The following AGBL4 variants were observed in gnomAD, a reference collection of about 807,000 sequenced individuals.
AGBL4 encodes the protein cytosolic carboxypeptidase 6.
AGBL4 carries 58 observed loss-of-function variants against 66.4 expected under a neutral mutation model. That is an observed-to-expected ratio of 0.87 (90% confidence interval 0.71 to 1.09). The LOEUF (loss-of-function observed/expected upper bound fraction) is 1.09. AGBL4 is among the 50% of genes least tolerant of loss of function. The probability of loss-of-function intolerance (pLI) is 0.00; values close to 1 mark genes in which losing one functional copy is unlikely to be tolerated. For synonymous variants in AGBL4, 234 were observed against 222.9 expected (o/e 1.05, Z -0.44); for missense variants, 579 against 631.0 (o/e 0.92, Z 0.88).
At chr1:49,709,291 A>C (rs1647451253) in intron 2 of AGBL4, among the ~76,000 whole-genome samples, 2 of 152,196 alleles carry the variant, frequency 1.3e-5, no homozygotes, top group African/African-American at 4.8e-5. Context: ...GTCTGGCTAC[A>C]GCAGCTTTGT....
At chr1:49,565,888 C>A (rs1260167548) in intron 3 of AGBL4, among the ~76,000 whole-genome samples, 6 of 152,162 alleles carry the variant, frequency 3.9e-5, no homozygotes, top group Non-Finnish European at 8.8e-5. Context: ...TAATATCCTG[C>A]AGAGTGTTTT....
At chr1:49,559,364 T>G (rs1643979374) in intron 3 of AGBL4, among the ~76,000 whole-genome samples, 2 of 152,166 alleles carry the variant, frequency 1.3e-5, no homozygotes, top group African/African-American at 4.8e-5. Context: ...ACAGCGTTAC[T>G]AGGCTTGGGA....
At chr1:49,262,271 C>T (rs563004702) in intron 3 of AGBL4, among the ~76,000 whole-genome samples, 25 of 151,278 alleles carry the variant, frequency 1.7e-4, no homozygotes, top group African/African-American at 5.6e-4. Context: ...ATGTCTAAAA[C>T]ACTTCATGGC....
chr1:49,666,696 T>A (rs560266180), intron 3 of AGBL4, among the ~76,000 whole-genome samples: 1 of 152,240 alleles, frequency 6.6e-6, no homozygotes, highest in African/African-American at 2.4e-5. Context: ...AGAGCTAAAA[T>A]TTATTGAGTG....
At chr1:48,669,921 C>T (rs1646249683) in intron 6 of AGBL4, among the ~76,000 whole-genome samples, 1 of 152,142 alleles carries the variant, frequency 6.6e-6, no homozygotes, top group African/African-American at 2.4e-5. Context: ...CATTCCCTCC[C>T]GTAGGCTCAG....
intron 3 of AGBL4, among the ~76,000 whole-genome samples, chr1:49,493,635 G>T (rs1647271979): frequency 6.6e-6 from 1 of 151,978 alleles, no homozygotes; most frequent in Non-Finnish European, 1.5e-5. Context: ...GAACCCAAGA[G>T]AAGGAGAGAA....
At chr1:49,626,556 T>C (rs965524683) in intron 3 of AGBL4, among the ~76,000 whole-genome samples, 1 of 152,050 alleles carries the variant, frequency 6.6e-6, no homozygotes, top group African/African-American at 2.4e-5. Flanking sequence ...GAGAAAATAT[T>C]CAGTGCCTTG....
chr1:49,802,234 T>C (rs529045911), intron 2 of AGBL4, among the ~76,000 whole-genome samples: 1 of 151,880 alleles, frequency 6.6e-6, no homozygotes, highest in Non-Finnish European at 1.5e-5. Flanking sequence ...ATGTGACCCA[T>C]GTGGAGAGCC....
intron 1 of AGBL4, among the ~76,000 whole-genome samples, chr1:50,013,975 A>G (rs1401010636): frequency 6.6e-6 from 1 of 152,216 alleles, no homozygotes; most frequent in African/African-American, 2.4e-5. Flanking sequence ...ACACTATTAC[A>G]CATTAATTGG....
At chr1:49,655,731 C>A (rs902948040) in intron 3 of AGBL4, among the ~76,000 whole-genome samples, 1 of 152,122 alleles carries the variant, frequency 6.6e-6, no homozygotes, top group Non-Finnish European at 1.5e-5. Flanking sequence ...GATAGAGATA[C>A]AAAATCTCTT....
At chr1:49,858,433 G>C (rs1646486307) in intron 1 of AGBL4, among the ~76,000 whole-genome samples, 2 of 152,006 alleles carry the variant, frequency 1.3e-5, no homozygotes, top group Admixed American at 1.3e-4. Flanking sequence ...ATATCTAACA[G>C]ACAGATTACC....
chr1:49,265,523 G>A (rs1643897438), intron 3 of AGBL4, among the ~76,000 whole-genome samples: 1 of 152,156 alleles, frequency 6.6e-6, no homozygotes, highest in African/African-American at 2.4e-5. Context: ...CTTATTGGGA[G>A]TGCAGCCTGA....
chr1:49,298,604 A>G (rs1458717198), intron 3 of AGBL4, among the ~76,000 whole-genome samples: 1 of 152,156 alleles, frequency 6.6e-6, no homozygotes, highest in East Asian at 1.9e-4. Context: ...GCCCTGGATC[A>G]TTGAGGGGTG....
intron 3 of AGBL4, among the ~76,000 whole-genome samples, chr1:49,526,668 A>T (rs1650684194): frequency 6.6e-6 from 1 of 152,128 alleles, no homozygotes; most frequent in Non-Finnish European, 1.5e-5. Context: ...TGACAAGTCA[A>T]TGTCTAGAAG....
At chr1:49,396,354 G>A (rs569224294) in intron 3 of AGBL4, among the ~76,000 whole-genome samples, 72 of 150,662 alleles carry the variant, frequency 4.8e-4, no homozygotes, top group Non-Finnish European at 8.3e-4. Context: ...GTGTGTGTGC[G>A]TGTGTGTATG....
At chr1:49,386,482 T>G (rs1644739669) in intron 3 of AGBL4, among the ~76,000 whole-genome samples, 1 of 151,952 alleles carries the variant, frequency 6.6e-6, no homozygotes, top group South Asian at 2.1e-4. Flanking sequence ...GCTGCAGCCA[T>G]TTAAAATGTG....
intron 3 of AGBL4, among the ~76,000 whole-genome samples, chr1:49,469,219 T>G (rs938461454): frequency 2.0e-5 from 3 of 151,914 alleles, no homozygotes; most frequent in Non-Finnish European, 2.9e-5. Context: ...TGTTAAGATA[T>G]CCTATGAAAT....
intron 6 of AGBL4, among the ~76,000 whole-genome samples, chr1:48,815,523 A>T (rs967362897): frequency 3.3e-5 from 5 of 152,086 alleles, no homozygotes; most frequent in African/African-American, 1.2e-4. Flanking sequence ...TCAACAAGTG[A>T]CTTCACTCAG....
intron 3 of AGBL4, among the ~76,000 whole-genome samples, chr1:49,329,123 A>T (rs1368076439): frequency 6.6e-6 from 1 of 152,060 alleles, no homozygotes; most frequent in Non-Finnish European, 1.5e-5. Context: ...CCTGGCCAAC[A>T]TGGTGAAACC....
Sources: gnomAD v4.1 joint callset for allele counts (sites outside exome capture counted in the v4.1 genomes callset) on GRCh38, gnomAD v4.1.1 for gene constraint, MANE v1.5 for transcripts, NCBI Gene and HGNC (gene_info 2026-07-23, HGNC 2026-07-21) for gene names.